The following SYT9 variants were observed in gnomAD, a reference collection of about 807,000 sequenced individuals.
SYT9 encodes synaptotagmin-9.
In SYT9, 22 loss-of-function variants were observed where a neutral mutation model predicts 48.4. That is an observed-to-expected ratio of 0.45 (90% CI 0.32 to 0.65). The LOEUF (loss-of-function observed/expected upper bound fraction) is 0.65, where lower values mean the gene tolerates loss of function less well. Among genes scored for constraint, SYT9 ranks in the 30% least tolerant of loss-of-function variants. SYT9 has a pLI of 0.03. For synonymous variants in SYT9, 265 were observed against 245.0 expected, an observed-to-expected ratio of 1.08 and a Z score of -0.76; for missense variants, 577 against 622.0, an observed-to-expected ratio of 0.93 and a Z score of 0.77.
intron 6 of SYT9, among the ~76,000 whole-genome samples, chr11:7,458,660 T>C (rs1292229911): frequency 2.6e-5 from 4 of 152,068 alleles, no homozygotes; most frequent in Non-Finnish European, 5.9e-5. Flanking sequence ...CCTGTGGCCA[T>C]GCAGAAATAC....
intron 3 of SYT9, among the ~76,000 whole-genome samples, chr11:7,369,105 T>C (rs976925767): frequency 6.6e-6 from 1 of 152,238 alleles, no homozygotes; most frequent in Non-Finnish European, 1.5e-5. Flanking sequence ...ATCAACAGTG[T>C]AAAAGCATTC....
Position 7,447,947 on chromosome 11 carries a change from G to A in SYT9, c.1468-18845G>A, listed in dbSNP as rs190747445. Reference sequence around the variant, plus strand: ...AATTCCTTCCTGACTCAGAAATTAGGGATCCTTCATTGACAGTCATTGTAT... The same window carrying A: ...AATTCCTTCCTGACTCAGAAATTAGAGATCCTTCATTGACAGTCATTGTAT... On this transcript the variant is annotated intron_variant, in intron 6 of 6. Coordinates refer to ENST00000318881, the MANE Select transcript of SYT9 (RefSeq NM_175733.4). Among the ~76,000 whole-genome samples the A allele has an allele frequency of 2.4e-4, 37 of 152,260 alleles. No homozygotes were observed. In the East Asian group the frequency reaches 4.6e-3, roughly 19 times the overall value.
intron 6 of SYT9, among the ~76,000 whole-genome samples, chr11:7,450,805 G>A (rs1323653755): frequency 6.6e-6 from 1 of 152,010 alleles, no homozygotes; most frequent in Non-Finnish European, 1.5e-5. Flanking sequence ...TACACATGCC[G>A]ACACATGTCA....
At position 7,303,022 on chromosome 11, in the gene SYT9, T is replaced by C; in HGVS notation, c.146-17T>C. On this transcript the variant is annotated splice_polypyrimidine_tract_variant and intron_variant, in intron 1 of 6. Coordinates refer to ENST00000318881, the MANE Select transcript of SYT9 (RefSeq NM_175733.4). ...GGGGAATGACCACACTGACCTTTGA[T>C]CTTTGCTTCTTTGCAGATATCTCAG... 1 of 1,610,054 alleles carries C rather than the reference T, an allele frequency of 6.2e-7. No individual in the cohort carries two copies. Among genetic ancestry groups the C allele is most frequent in the African/African-American group, 1.3e-5 (1 of 74,966 alleles).
intron 1 of SYT9, among the ~76,000 whole-genome samples, chr11:7,276,175 T>C (rs1401833996): frequency 6.6e-6 from 1 of 152,128 alleles, no homozygotes; most frequent in Admixed American, 6.5e-5. Context: ...AGAAACTTCT[T>C]TTACCATCAC....
At chr11:7,269,677 C>G (rs1821086295) in intron 1 of SYT9, among the ~76,000 whole-genome samples, 1 of 152,142 alleles carries the variant, frequency 6.6e-6, no homozygotes, top group African/African-American at 2.4e-5. Flanking sequence ...TCTAGAGTAA[C>G]CTTTCTCGAA....
intron 3 of SYT9, among the ~76,000 whole-genome samples, chr11:7,348,969 C>T (rs1849856181): frequency 6.6e-6 from 1 of 151,812 alleles, no homozygotes; most frequent in Admixed American, 6.6e-5. Flanking sequence ...GCTAGGCGGG[C>T]TGGGGGTGGG....
intron 6 of SYT9, chr11:7,444,372 T>C (rs1320278062): frequency 1.3e-5 from 2 of 152,266 alleles, no homozygotes; most frequent in Non-Finnish European, 2.9e-5. Flanking sequence ...CGACTTTTCT[T>C]CAATGATCCA....
intron 6 of SYT9, among the ~76,000 whole-genome samples, chr11:7,448,782 G>A (rs1051616907): frequency 5.3e-5 from 8 of 152,120 alleles, no homozygotes; most frequent in African/African-American, 1.9e-4. Flanking sequence ...TGAGGGGCAG[G>A]GTCTCTACAG....
chr11:7,303,229 T>C lies in SYT9; in HGVS notation c.336T>C (p.Ser112=). The change falls in exon 2 of 7, where the codon AGT becomes AGC. Residue 112 remains serine, a synonymous_variant. Transcript: ENST00000318881. ...MDTETNEQEN[S]EDFLDPPTPC... ...CAGAGACCAATGAGCAGGAGAACAG[T>C]GAGGACTTCCTAGATCCTCCCACGC... The C allele has an allele frequency of 6.2e-7, 1 of 1,614,054 alleles. No homozygotes were observed. Among genetic ancestry groups the C allele is most frequent in the Non-Finnish European group, 8.5e-7 (1 of 1,180,000 alleles).
At chr11:7,249,348 A>C (rs11041285), upstream of SYT9, among the ~76,000 whole-genome samples, 3,652 of 152,258 alleles carry the variant, frequency 0.024, 164 homozygotes, top group African/African-American at 0.084. Context: ...TGTTGAATAA[A>C]GTGAGTCACA....
chr11:7,294,659 A>G (rs930579515), intron 1 of SYT9, among the ~76,000 whole-genome samples: 2 of 152,168 alleles, frequency 1.3e-5, no homozygotes, highest in East Asian at 1.9e-4. Flanking sequence ...CTTTGGCTTA[A>G]TATTCTGCCC....
chr11:7,434,496 C>G (rs930120594), intron 6 of SYT9, among the ~76,000 whole-genome samples: 1 of 152,092 alleles, frequency 6.6e-6, no homozygotes, highest in African/African-American at 2.4e-5. Context: ...AGGATCGTAG[C>G]CTGGCAGTCT....
At chr11:7,406,559 T>TATATATAC (rs1554920660) in intron 3 of SYT9, among the ~76,000 whole-genome samples, 9 of 146,680 alleles carry the variant, frequency 6.1e-5, no homozygotes, top group African/African-American at 2.3e-4. Flanking sequence ...TATATATATA[T>TATATATAC]ATATATATAG....
chr11:7,405,753 G>A (rs553525615), intron 3 of SYT9, among the ~76,000 whole-genome samples: 2 of 152,256 alleles, frequency 1.3e-5, no homozygotes, highest in African/African-American at 4.8e-5. Flanking sequence ...ATATGTATGA[G>A]AAAATGGGAT....
rs116280204 is a variant in SYT9 at position 7,371,350 on chromosome 11, C to A, written c.1045-44692C>A. ...CAGGAGCATAGACTATCTCCACTTA[C>A]TCTATTCTTTTAAAATAATCATCTA... On this transcript the variant is annotated intron_variant, in intron 3 of 6. Coordinates refer to ENST00000318881, the MANE Select transcript of SYT9 (RefSeq NM_175733.4). Among the ~76,000 whole-genome samples the A allele has an allele frequency of 9.5e-3, 1,446 of 152,144 alleles. 28 individuals carry two copies. The highest frequency in any genetic ancestry group is 0.033 in the African/African-American group (1,387 of 41,536).
intron 1 of SYT9, among the ~76,000 whole-genome samples, chr11:7,284,426 G>T (rs192614339): frequency 6.6e-6 from 1 of 152,060 alleles, no homozygotes. Flanking sequence ...TGTAAATGTT[G>T]AGCCCTTTAC....
At chr11:7,268,079 A>G (rs1370171425) in intron 1 of SYT9, among the ~76,000 whole-genome samples, 1 of 151,982 alleles carries the variant, frequency 6.6e-6, no homozygotes, top group Non-Finnish European at 1.5e-5. Context: ...AGGCCTAAAT[A>G]TTTTTATAGG....
At chr11:7,310,716 G>A (rs568869486) in intron 2 of SYT9, among the ~76,000 whole-genome samples, 1 of 152,266 alleles carries the variant, frequency 6.6e-6, no homozygotes, top group Admixed American at 6.5e-5. Flanking sequence ...AAAGTGCTGG[G>A]ATTACAGGCA....
Sources: gnomAD v4.1 joint callset for allele counts (sites outside exome capture counted in the v4.1 genomes callset) on GRCh38, gnomAD v4.1.1 for gene constraint, MANE v1.5 for transcripts, NCBI Gene and HGNC (gene_info 2026-07-23, HGNC 2026-07-21) for gene names.